The following CDC73 variants were observed in gnomAD, a reference collection of about 807,000 sequenced individuals.
The protein encoded by CDC73 is parafibromin.
A neutral mutation model predicts 83.7 loss-of-function variants in CDC73; 21 were observed. The ratio of observed to expected loss-of-function variants is 0.25; its 90% CI spans 0.18 to 0.36. The LOEUF is 0.36. Ranked by LOEUF, CDC73 falls within the 10% of genes least tolerant of loss-of-function variation. The pLI is 1.00. For synonymous variants in CDC73, 224 were observed against 212.9 expected, an observed-to-expected ratio of 1.05 and a Z score of -0.45; for missense variants, 342 against 653.3, an observed-to-expected ratio of 0.52 and a Z score of 5.19.
rs369739075 is a variant in CDC73 at position 193,232,621 on chromosome 1, G to C, written c.1155-372G>C. ...TAATTAATGTTTAAAAATTATTTCA[G>C]ACCGGGCGTGGTGGCTCATGCCTGT... is the stretch of plus-strand genomic sequence containing the variant. On this transcript the variant is annotated intron_variant, in intron 13 of 16. Coordinates refer to ENST00000367435, the MANE Select transcript of CDC73 (RefSeq NM_024529.5). Among the ~76,000 whole-genome samples the C allele has an allele frequency of 3.8e-4, 58 of 152,252 alleles. No individual in the cohort carries two copies. In the East Asian group the frequency reaches 0.011, roughly 28 times the overall value.
At chr1:193,193,780 AGTGTGTGT>A (rs71111459) in intron 10 of CDC73, among the ~76,000 whole-genome samples, 6,884 of 135,750 alleles carry the variant, frequency 0.051, 172 homozygotes, top group Middle Eastern at 0.076. Flanking sequence ...TCTTACTTGT[AGTGTGTGT>A]GTGTGTGTGT....
chr1:193,217,334 A>G (rs1448102911), intron 13 of CDC73, among the ~76,000 whole-genome samples: 6 of 152,118 alleles, frequency 3.9e-5, no homozygotes, highest in Non-Finnish European at 8.8e-5. Flanking sequence ...TCACAAGGAC[A>G]AGATACTCTG....
At chr1:193,125,531 G>C (rs897595911) in intron 2 of CDC73, among the ~76,000 whole-genome samples, 1 of 152,038 alleles carries the variant, frequency 6.6e-6, no homozygotes, top group Non-Finnish European at 1.5e-5. Flanking sequence ...CGAAGTGCTG[G>C]GATTACTGGC....
At chr1:193,124,965 A>C (rs544975902) in intron 1 of CDC73, 147 bp from the exon 2 acceptor site, 1 of 657,198 alleles carries the variant, frequency 1.5e-6, no homozygotes. Context: ...TGATCATGAC[A>C]GTCTATTCAT....
intron 10 of CDC73, among the ~76,000 whole-genome samples, chr1:193,177,358 C>CAAAA (rs10672869): frequency 0.22 from 15,201 of 69,188 alleles, 2,221 homozygotes; most frequent in African/African-American, 0.27. Context: ...ACTAAAAATA[C>CAAAA]AAAAAAAAAA....
chr1:193,176,301 A>G (rs938024070), intron 10 of CDC73, among the ~76,000 whole-genome samples: 2 of 152,188 alleles, frequency 1.3e-5, no homozygotes, highest in Non-Finnish European at 2.9e-5. Flanking sequence ...TTATTGCAAC[A>G]TAGCATCAAC....
At chr1:193,172,720 TCTTC>T (rs1314169825) in intron 10 of CDC73, among the ~76,000 whole-genome samples, 4 of 152,158 alleles carry the variant, frequency 2.6e-5, no homozygotes, top group African/African-American at 9.7e-5. Context: ...CCTTTTTCCC[TCTTC>T]CTTTTGCCAT....
At chr1:193,175,532 C>T (rs752821875) in intron 10 of CDC73, among the ~76,000 whole-genome samples, 13 of 152,054 alleles carry the variant, frequency 8.5e-5, no homozygotes, top group Non-Finnish European at 1.9e-4. Context: ...AACTGCCGAT[C>T]GAAAATATTA....
At chr1:193,140,496 A>C (rs1306203572) in intron 6 of CDC73, among the ~76,000 whole-genome samples, 3 of 152,134 alleles carry the variant, frequency 2.0e-5, no homozygotes, top group Non-Finnish European at 4.4e-5. Context: ...CTTGTCGTTT[A>C]AGGGAAGCAC....
chr1:193,243,613 A>G (rs1182363873), intron 15 of CDC73, among the ~76,000 whole-genome samples: 2 of 152,210 alleles, frequency 1.3e-5, no homozygotes, highest in Non-Finnish European at 2.9e-5. Context: ...GAAAAGCAAC[A>G]CCTAAGCAGA....
At chr1:193,200,920 T>A (rs1039910666) in intron 10 of CDC73, among the ~76,000 whole-genome samples, 1 of 152,198 alleles carries the variant, frequency 6.6e-6, no homozygotes, top group African/African-American at 2.4e-5. Flanking sequence ...GAGTAGAATG[T>A]GCTTTTAGCC....
intron 2 of CDC73, among the ~76,000 whole-genome samples, chr1:193,126,929 G>A (rs1675585994): frequency 6.6e-6 from 1 of 151,950 alleles, no homozygotes; most frequent in Non-Finnish European, 1.5e-5. Flanking sequence ...AATAGTTAAG[G>A]TTTCTGGCTT....
chr1:193,234,173 TCTCACACACACACACACACACA>T (rs1677710607), intron 14 of CDC73, among the ~76,000 whole-genome samples: 2 of 68,346 alleles, frequency 2.9e-5, no homozygotes, highest in East Asian at 3.2e-4. Flanking sequence ...TCTCTCTCTC[TCTCACACACACACACACACACA>T]CACACACACA....
At chr1:193,170,623 T>TTTG (rs571750362) in intron 10 of CDC73, among the ~76,000 whole-genome samples, 6 of 152,272 alleles carry the variant, frequency 3.9e-5, no homozygotes, top group South Asian at 2.1e-4. Context: ...TTTAATGATT[T>TTTG]TTGTTGTTGT....
intron 10 of CDC73, among the ~76,000 whole-genome samples, chr1:193,194,087 AAAG>A (rs139568826): frequency 3.3e-5 from 5 of 152,328 alleles, no homozygotes; most frequent in Admixed American, 1.3e-4. Context: ...ACATGGAACA[AAAG>A]AAGAGCAAAT....
intron 10 of CDC73, among the ~76,000 whole-genome samples, chr1:193,197,925 A>G (rs1209320176): frequency 8.4e-6 from 1 of 118,346 alleles, no homozygotes; most frequent in Admixed American, 8.9e-5. Flanking sequence ...ATACCATCTC[A>G]CCAAAAAAAA....
intron 11 of CDC73, among the ~76,000 whole-genome samples, chr1:193,209,062 C>T (rs888878110): frequency 1.3e-5 from 2 of 152,138 alleles, no homozygotes; most frequent in Non-Finnish European, 2.9e-5. Context: ...TCTGGGCTCC[C>T]GTACTCTGCT....
intron 10 of CDC73, among the ~76,000 whole-genome samples, chr1:193,153,943 A>G (rs1443415709): frequency 1.3e-5 from 2 of 152,214 alleles, no homozygotes; most frequent in African/African-American, 2.4e-5. Context: ...GGTCCAGTAG[A>G]GCAACAGCAA....
chr1:193,249,185 T>C (rs1224364240), intron 15 of CDC73, among the ~76,000 whole-genome samples: 2 of 151,984 alleles, frequency 1.3e-5, no homozygotes, highest in South Asian at 2.1e-4. Flanking sequence ...GCCATCAACA[T>C]TGAGGCATAA....
Sources: gnomAD v4.1 joint callset for allele counts (sites outside exome capture counted in the v4.1 genomes callset) on GRCh38, gnomAD v4.1.1 for gene constraint, MANE v1.5 for transcripts, NCBI Gene and HGNC (gene_info 2026-07-23, HGNC 2026-07-21) for gene names.